ARHGAP15: variants seen among roughly 807,000 people sequenced by gnomAD.
ARHGAP15 encodes the protein rho GTPase-activating protein 15.
In ARHGAP15, 51 loss-of-function variants were observed where a neutral mutation model predicts 63.7. That is an observed-to-expected ratio of 0.80 (90% CI 0.64 to 1.01). The LOEUF is 1.01. ARHGAP15 is among the 50% of genes least tolerant of loss of function. The probability of loss-of-function intolerance (pLI) is 0.00; values close to 1 mark genes in which losing one functional copy is unlikely to be tolerated. For missense variants in ARHGAP15, 560 were observed against 564.6 expected (o/e 0.99, Z 0.08); for synonymous variants, 191 against 193.8 (o/e 0.99, Z 0.12).
intron 13 of ARHGAP15, among the ~76,000 whole-genome samples, chr2:143,727,076 C>T (rs540547605): frequency 6.6e-6 from 1 of 152,290 alleles, no homozygotes; most frequent in South Asian, 2.1e-4. Flanking sequence ...TGCTGGTTCT[C>T]AGCAAAGCTT....
chr2:143,642,236 T>C (rs1680638607), intron 12 of ARHGAP15, among the ~76,000 whole-genome samples: 1 of 152,130 alleles, frequency 6.6e-6, no homozygotes, highest in Admixed American at 6.6e-5. Context: ...TGCAAGTTTC[T>C]GCACTAAGTA....
intron 6 of ARHGAP15, among the ~76,000 whole-genome samples, chr2:143,398,346 A>G (rs1400970939): frequency 6.6e-6 from 1 of 152,136 alleles, no homozygotes; most frequent in Non-Finnish European, 1.5e-5. Flanking sequence ...GGAAGCTTTC[A>G]GCTTTGAGCT....
intron 6 of ARHGAP15, among the ~76,000 whole-genome samples, chr2:143,263,685 C>T (rs1260544663): frequency 6.6e-6 from 1 of 152,160 alleles, no homozygotes; most frequent in African/African-American, 2.4e-5. Flanking sequence ...TATGAATCTT[C>T]TAACATTTCC....
intron 6 of ARHGAP15, among the ~76,000 whole-genome samples, chr2:143,350,255 G>A (rs1255157651): frequency 6.6e-6 from 1 of 151,972 alleles, no homozygotes; most frequent in Admixed American, 6.6e-5. Context: ...CACTGATACT[G>A]CATTTTGTGC....
intron 12 of ARHGAP15, among the ~76,000 whole-genome samples, chr2:143,688,317 A>G (rs886998811): frequency 2.6e-5 from 4 of 152,210 alleles, no homozygotes; most frequent in Admixed American, 6.5e-5. Context: ...GGAATAAAAA[A>G]CTTGTTTAGT....
chr2:143,522,345 T>C (rs561169265), intron 10 of ARHGAP15, among the ~76,000 whole-genome samples: 1 of 152,282 alleles, frequency 6.6e-6, no homozygotes, highest in East Asian at 1.9e-4. Flanking sequence ...TTAAGGAGCA[T>C]GTTAGTCTTT....
At chr2:143,364,743 C>T (rs1485945164) in intron 6 of ARHGAP15, among the ~76,000 whole-genome samples, 2 of 152,100 alleles carry the variant, frequency 1.3e-5, no homozygotes, top group African/African-American at 4.8e-5. Context: ...TAAGTAGTTC[C>T]AGGCCAGGCA....
At chr2:143,288,944 C>T (rs1682250158) in intron 6 of ARHGAP15, among the ~76,000 whole-genome samples, 1 of 151,908 alleles carries the variant, frequency 6.6e-6, no homozygotes, top group African/African-American at 2.4e-5. Context: ...GGCACAGAAA[C>T]CTTTTTTTAT....
intron 6 of ARHGAP15, among the ~76,000 whole-genome samples, chr2:143,262,850 C>A (rs116146105): frequency 6.6e-6 from 1 of 152,022 alleles, no homozygotes; most frequent in African/African-American, 2.4e-5. Context: ...AGAACTCTCC[C>A]GTATCCCAAG....
chr2:143,630,310 A>C (rs950181913), intron 12 of ARHGAP15, among the ~76,000 whole-genome samples: 1 of 152,116 alleles, frequency 6.6e-6, no homozygotes, highest in African/African-American at 2.4e-5. Flanking sequence ...TTTGAAATTT[A>C]TTTATATGTA....
intron 6 of ARHGAP15, among the ~76,000 whole-genome samples, chr2:143,293,581 G>A (rs1206228492): frequency 6.6e-6 from 1 of 152,040 alleles, no homozygotes; most frequent in East Asian, 1.9e-4. Flanking sequence ...AGATTAAACT[G>A]ACTTTGGTGT....
intron 8 of ARHGAP15, among the ~76,000 whole-genome samples, chr2:143,443,431 C>CT (rs199869305): frequency 3.4e-5 from 2 of 58,110 alleles, no homozygotes; most frequent in African/African-American, 5.0e-5. Flanking sequence ...GTCACTCACC[C>CT]TTTTTTTTTT....
At chr2:143,663,199 A>G (rs1378033274) in intron 12 of ARHGAP15, among the ~76,000 whole-genome samples, 1 of 135,390 alleles carries the variant, frequency 7.4e-6, no homozygotes, top group East Asian at 2.3e-4. Context: ...GAAGCCCATC[A>G]GACTAACAGC....
At chr2:143,536,646 A>G (rs1456644878) in intron 10 of ARHGAP15, among the ~76,000 whole-genome samples, 1 of 151,376 alleles carries the variant, frequency 6.6e-6, no homozygotes, top group Non-Finnish European at 1.5e-5. Flanking sequence ...TCCTTGCAAT[A>G]GTTTGCTGAG....
intron 5 of ARHGAP15, among the ~76,000 whole-genome samples, chr2:143,235,056 T>C (rs1180921512): frequency 1.3e-5 from 2 of 152,170 alleles, no homozygotes; most frequent in Non-Finnish European, 2.9e-5. Flanking sequence ...TTAATCAAGT[T>C]TGTGCTATTT....
chr2:143,688,169 T>G lies in ARHGAP15; in HGVS notation c.1139-15250T>G, dbSNP rs574599209. 2.0e-5 allele frequency among the ~76,000 whole-genome samples: 3 copies of G among 152,150 alleles called. No individual in the cohort carries two copies. The South Asian group carries it at 6.2e-4, about 32-fold the overall frequency. Reference sequence around the variant, plus strand: ...TATGTAATACCTAATTGCTTGATTTTCTAGTTTTTATCACTTTAATAGCCC... The same window carrying G: ...TATGTAATACCTAATTGCTTGATTTGCTAGTTTTTATCACTTTAATAGCCC... On this transcript the variant is annotated intron_variant, in intron 12 of 13. Transcript: ENST00000295095.
At chr2:143,685,174 G>C (rs1031867888) in intron 12 of ARHGAP15, among the ~76,000 whole-genome samples, 1 of 151,770 alleles carries the variant, frequency 6.6e-6, no homozygotes, top group African/African-American at 2.4e-5. Context: ...TCGGGAGAGG[G>C]GGGTGGGCTT....
intron 8 of ARHGAP15, among the ~76,000 whole-genome samples, chr2:143,482,225 CTATT>C (rs577009690): frequency 1.3e-4 from 19 of 150,980 alleles, no homozygotes; most frequent in Non-Finnish European, 2.1e-4. Flanking sequence ...TCTTTTGGCT[CTATT>C]TATTTTCAAA....
intron 5 of ARHGAP15, among the ~76,000 whole-genome samples, chr2:143,232,203 C>T (rs770338724): frequency 2.0e-5 from 3 of 152,082 alleles, no homozygotes; most frequent in African/African-American, 4.8e-5. Flanking sequence ...GACATTAAAT[C>T]GTAACTGACC....
Sources: allele counts gnomAD v4.1 joint callset (sites outside exome capture counted in the v4.1 genomes callset), GRCh38; gene constraint gnomAD v4.1.1; transcripts MANE v1.5; gene names NCBI Gene and HGNC (gene_info 2026-07-23, HGNC 2026-07-21).